SLC39A11: variants seen among roughly 807,000 people sequenced by gnomAD.
The protein encoded by SLC39A11 is zinc transporter ZIP11.
In SLC39A11, 33 loss-of-function variants were observed where a neutral mutation model predicts 36.1. That is an observed-to-expected ratio of 0.91 (90% confidence interval 0.69 to 1.22). SLC39A11 has a LOEUF of 1.22. Ranked by LOEUF, SLC39A11 falls within the 50% of genes most tolerant of loss-of-function variation. SLC39A11 has a pLI of 0.00. For synonymous variants in SLC39A11, 166 were observed against 170.3 expected (o/e 0.97, Z 0.20); for missense variants, 432 against 430.3 (o/e 1.00, Z -0.03).
intron 7 of SLC39A11, among the ~76,000 whole-genome samples, chr17:72,698,199 T>G (rs2072410669): frequency 6.6e-6 from 1 of 152,150 alleles, no homozygotes; most frequent in African/African-American, 2.4e-5. Flanking sequence ...GCTTTGCAAG[T>G]TAAAGGGAGA....
chr17:72,717,571 G>A (rs758422550), intron 7 of SLC39A11, among the ~76,000 whole-genome samples: 8 of 152,158 alleles, frequency 5.3e-5, no homozygotes, highest in Admixed American at 1.3e-4. Context: ...TGTGGCCACG[G>A]GGCACTGTCC....
chr17:72,742,264 G>C (rs2074742145), intron 6 of SLC39A11, among the ~76,000 whole-genome samples: 1 of 152,142 alleles, frequency 6.6e-6, no homozygotes. Context: ...TTCAGGGCAG[G>C]CTGCGATGGG....
At chr17:72,758,813 C>A (rs1206800947) in intron 6 of SLC39A11, among the ~76,000 whole-genome samples, 1 of 152,244 alleles carries the variant, frequency 6.6e-6, no homozygotes, top group Non-Finnish European at 1.5e-5. Context: ...ATACTTGCAG[C>A]CAGAGTGTTC....
intron 4 of SLC39A11, among the ~76,000 whole-genome samples, chr17:73,029,544 A>G (rs2058674090): frequency 6.6e-6 from 1 of 151,970 alleles, no homozygotes; most frequent in Non-Finnish European, 1.5e-5. Context: ...GCAGCAAGGA[A>G]GCCACATGTC....
intron 5 of SLC39A11, among the ~76,000 whole-genome samples, chr17:72,922,924 C>T (rs901117556): frequency 1.6e-4 from 21 of 132,180 alleles, no homozygotes; most frequent in South Asian, 1.0e-3. Context: ...GCTGAGAGTG[C>T]GCCACCAGCC....
intron 6 of SLC39A11, among the ~76,000 whole-genome samples, chr17:72,808,824 T>G (rs1409286508): frequency 1.3e-5 from 2 of 151,840 alleles, no homozygotes; most frequent in Admixed American, 1.3e-4. Context: ...ACATGAGGAC[T>G]CTTCCACACC....
intron 4 of SLC39A11, among the ~76,000 whole-genome samples, chr17:72,954,931 T>C (rs1435808478): frequency 6.6e-6 from 1 of 152,196 alleles, no homozygotes; most frequent in Non-Finnish European, 1.5e-5. Context: ...CTGGTTAACC[T>C]ATACATTCAG....
At chr17:72,930,704 T>C (rs1057423952) in intron 5 of SLC39A11, among the ~76,000 whole-genome samples, 2 of 152,138 alleles carry the variant, frequency 1.3e-5, no homozygotes, top group Admixed American at 6.5e-5. Flanking sequence ...TTGTGTTCCA[T>C]AATAAATCTC....
intron 7 of SLC39A11, among the ~76,000 whole-genome samples, chr17:72,673,650 C>T (rs147534600): frequency 1.3e-5 from 2 of 152,154 alleles, no homozygotes; most frequent in East Asian, 3.9e-4. Context: ...ATTTGTAATA[C>T]AACTTAGTTT....
chr17:72,817,316 AAGGG>A (rs1263596438), intron 6 of SLC39A11, among the ~76,000 whole-genome samples: 3 of 139,064 alleles, frequency 2.2e-5, no homozygotes, highest in South Asian at 5.5e-4. Flanking sequence ...GGAAGAAAAG[AAGGG>A]AGGGAGGGAG....
chr17:72,708,549 T>C (rs375873095), intron 7 of SLC39A11, among the ~76,000 whole-genome samples: 1 of 152,216 alleles, frequency 6.6e-6, no homozygotes, highest in Non-Finnish European at 1.5e-5. Flanking sequence ...TGGTACATCA[T>C]GTCATTCTTG....
At chr17:72,711,887 G>A (rs1052616342) in intron 7 of SLC39A11, among the ~76,000 whole-genome samples, 1 of 152,164 alleles carries the variant, frequency 6.6e-6, no homozygotes, top group African/African-American at 2.4e-5. Context: ...AAATGGAAAG[G>A]AACAGACTTG....
At chr17:73,080,594 G>A (rs1337374346) in intron 3 of SLC39A11, among the ~76,000 whole-genome samples, 1 of 152,084 alleles carries the variant, frequency 6.6e-6, no homozygotes, top group Admixed American at 6.6e-5. Context: ...TCATGACCAA[G>A]AACCCAAAAG....
At chr17:72,922,302 A>G (rs530744386) in intron 5 of SLC39A11, among the ~76,000 whole-genome samples, 1 of 152,306 alleles carries the variant, frequency 6.6e-6, no homozygotes, top group African/African-American at 2.4e-5. Context: ...TCTTTCACCT[A>G]CTTTATAGCT....
At chr17:72,905,970 G>A (rs756319668) in intron 5 of SLC39A11, among the ~76,000 whole-genome samples, 1 of 152,128 alleles carries the variant, frequency 6.6e-6, no homozygotes, top group Non-Finnish European at 1.5e-5. Context: ...AGCCAGGATG[G>A]TCTCAGTCTC....
At chr17:72,998,911 G>T (rs901204933) in intron 4 of SLC39A11, among the ~76,000 whole-genome samples, 1 of 152,198 alleles carries the variant, frequency 6.6e-6, no homozygotes. Context: ...AGATGAGAAA[G>T]GCAGCAATTT....
chr17:72,990,286 C>CA (rs1341703955), intron 4 of SLC39A11, among the ~76,000 whole-genome samples: 3 of 151,918 alleles, frequency 2.0e-5, no homozygotes, highest in Admixed American at 6.6e-5. Context: ...CTAGTCACTA[C>CA]AAAATGACCA....
At chr17:72,861,890 T>C (rs895225913) in intron 5 of SLC39A11, among the ~76,000 whole-genome samples, 1 of 150,196 alleles carries the variant, frequency 6.7e-6, no homozygotes, top group African/African-American at 2.5e-5. Flanking sequence ...CATTGAAACT[T>C]AATGAAATAG....
chr17:72,963,169 CT>C (rs5821936), intron 4 of SLC39A11, among the ~76,000 whole-genome samples: 1,560 of 114,450 alleles, frequency 0.014, 21 homozygotes, highest in African/African-American at 0.051. Flanking sequence ...TTTTTCCTTT[CT>C]TTTTTTTTTT....
Sources: gnomAD v4.1 joint callset for allele counts (sites outside exome capture counted in the v4.1 genomes callset) on GRCh38, gnomAD v4.1.1 for gene constraint, MANE v1.5 for transcripts, NCBI Gene and HGNC (gene_info 2026-07-23, HGNC 2026-07-21) for gene names.